RBFOX1: variants seen among roughly 807,000 people sequenced by gnomAD.
RBFOX1 encodes the protein RNA binding protein fox-1 homolog 1.
Under a neutral mutation model 57.7 loss-of-function variants are expected in RBFOX1, and 8 were observed. The observed-to-expected ratio is 0.14, with a 90% confidence interval of 0.08 to 0.25. The LOEUF is 0.25. Ranked by LOEUF, RBFOX1 falls within the 10% of genes least tolerant of loss-of-function variation. The probability of loss-of-function intolerance (pLI) is 1.00; values close to 1 mark genes in which losing one functional copy is unlikely to be tolerated. For synonymous variants in RBFOX1, 326 were observed against 222.4 expected (o/e 1.47, Z -4.15); for missense variants, 611 against 548.5 (o/e 1.11, Z -1.14).
At chr16:5,864,373 A>G (rs2057297044) in intron 3 of RBFOX1, among the ~76,000 whole-genome samples, 1 of 152,228 alleles carries the variant, frequency 6.6e-6, no homozygotes, top group Non-Finnish European at 1.5e-5. Flanking sequence ...TAAACAATTC[A>G]GGAAAAGAGA....
chr16:7,022,249 C>G (rs998620004), intron 3 of RBFOX1, among the ~76,000 whole-genome samples: 8 of 150,888 alleles, frequency 5.3e-5, no homozygotes, highest in African/African-American at 2.0e-4. Flanking sequence ...GACGGGATTT[C>G]ACCATGTTGG....
chr16:6,566,209 C>T (rs564958829), intron 2 of RBFOX1, among the ~76,000 whole-genome samples: 1 of 152,288 alleles, frequency 6.6e-6, no homozygotes, highest in South Asian at 2.1e-4. Context: ...GAAGGAGAAA[C>T]ATAATTTTTT....
chr16:5,485,789 C>G (rs1484271454), intron 2 of RBFOX1, among the ~76,000 whole-genome samples: 3 of 152,196 alleles, frequency 2.0e-5, no homozygotes, highest in Non-Finnish European at 4.4e-5. Flanking sequence ...TGCCCCCTGT[C>G]TGGGAGCACA....
At chr16:7,457,295 C>A (rs981694507) in intron 4 of RBFOX1, among the ~76,000 whole-genome samples, 1 of 152,160 alleles carries the variant, frequency 6.6e-6, no homozygotes, top group Non-Finnish European at 1.5e-5. Context: ...ATAGCAAACA[C>A]TATCTTCCGA....
intron 1 of RBFOX1, among the ~76,000 whole-genome samples, chr16:6,187,279 C>T (rs1351294007): frequency 6.6e-6 from 1 of 151,944 alleles, no homozygotes; most frequent in Non-Finnish European, 1.5e-5. Context: ...TCGATGTTTT[C>T]TTGGAGAGAT....
chr16:6,932,456 T>G (rs1373101697), intron 3 of RBFOX1, among the ~76,000 whole-genome samples: 1 of 152,160 alleles, frequency 6.6e-6, no homozygotes, highest in Non-Finnish European at 1.5e-5. Flanking sequence ...CATTGGCAGT[T>G]ACATTTCAAC....
intron 3 of RBFOX1, among the ~76,000 whole-genome samples, chr16:7,002,852 T>C (rs529714804): frequency 1.3e-5 from 2 of 152,262 alleles, no homozygotes; most frequent in South Asian, 4.1e-4. Context: ...TAGGAGTTTC[T>C]CTCAACATCC....
intron 3 of RBFOX1, among the ~76,000 whole-genome samples, chr16:7,000,073 G>GA (rs58878438): frequency 0.69 from 93,083 of 134,742 alleles, 30,603 homozygotes; most frequent in East Asian, 0.9. Flanking sequence ...CTGTTTCAAA[G>GA]AAAAAAAAAA....
chr16:6,468,332 T>C (rs1160739524), intron 2 of RBFOX1, among the ~76,000 whole-genome samples: 4 of 152,212 alleles, frequency 2.6e-5, no homozygotes, highest in African/African-American at 7.2e-5. Flanking sequence ...ACATTCATCA[T>C]AGAACTTTAA....
chr16:6,761,964 G>A (rs1439938451), intron 3 of RBFOX1, among the ~76,000 whole-genome samples: 1 of 152,016 alleles, frequency 6.6e-6, no homozygotes, highest in African/African-American at 2.4e-5. Flanking sequence ...TTCAACCACA[G>A]CCCACTTATG....
At chr16:5,406,249 C>T (rs1002856492) in intron 1 of RBFOX1, among the ~76,000 whole-genome samples, 1 of 151,990 alleles carries the variant, frequency 6.6e-6, no homozygotes, top group Admixed American at 6.6e-5. Context: ...ACAAGAATAG[C>T]GTTTGAATTG....
chr16:5,603,150 C>G (rs534100276), downstream of RBFOX1, among the ~76,000 whole-genome samples: 14 of 152,326 alleles, frequency 9.2e-5, no homozygotes, highest in African/African-American at 3.1e-4. Flanking sequence ...TTGGCACTGT[C>G]TCCCAGAAAG....
chr16:7,705,993 C>T (rs1016347755), intron 14 of RBFOX1, among the ~76,000 whole-genome samples: 4 of 152,142 alleles, frequency 2.6e-5, no homozygotes, highest in Non-Finnish European at 5.9e-5. Context: ...AACATGGCGA[C>T]CGTAAGACCT....
chr16:5,981,099 T>C (rs549808611), intron 4 of RBFOX1, among the ~76,000 whole-genome samples: 1 of 152,330 alleles, frequency 6.6e-6, no homozygotes, highest in South Asian at 2.1e-4. Context: ...GATATCAGTT[T>C]GGGAGCTACC....
intron 3 of RBFOX1, among the ~76,000 whole-genome samples, chr16:6,660,777 G>A (rs1262436924): frequency 1.3e-5 from 2 of 151,990 alleles, no homozygotes; most frequent in Non-Finnish European, 1.5e-5. Context: ...TATTTTTGCT[G>A]GTATCCACAC....
intron 1 of RBFOX1, among the ~76,000 whole-genome samples, chr16:6,140,979 G>A (rs980901459): frequency 7.9e-5 from 12 of 152,142 alleles, no homozygotes; most frequent in East Asian, 3.9e-4. Context: ...TCTCTGCAGC[G>A]TCAGAGGACA....
intron 3 of RBFOX1, among the ~76,000 whole-genome samples, chr16:5,775,423 C>A (rs1253299440): frequency 6.6e-6 from 1 of 152,220 alleles, no homozygotes; most frequent in Non-Finnish European, 1.5e-5. Flanking sequence ...TGATGCAAGC[C>A]AGGCTAGGAC....
chr16:6,778,680 C>G (rs1288243592), intron 3 of RBFOX1, among the ~76,000 whole-genome samples: 1 of 147,912 alleles, frequency 6.8e-6, no homozygotes, highest in Non-Finnish European at 1.5e-5. Flanking sequence ...TCATATTTTA[C>G]TCTCTTTTTT....
intron 4 of RBFOX1, among the ~76,000 whole-genome samples, chr16:7,149,207 A>G (rs1444793945): frequency 6.6e-6 from 1 of 152,088 alleles, no homozygotes; most frequent in African/African-American, 2.4e-5. Flanking sequence ...TTTTATTCAG[A>G]GTCAAGACTG....
Sources: gnomAD v4.1 joint callset for allele counts (sites outside exome capture counted in the v4.1 genomes callset) on GRCh38, gnomAD v4.1.1 for gene constraint, MANE v1.5 for transcripts, NCBI Gene and HGNC (gene_info 2026-07-23, HGNC 2026-07-21) for gene names.